CLASP1: variants seen among roughly 807,000 people sequenced by gnomAD.
The protein encoded by CLASP1 is CLIP-associating protein 1.
In CLASP1, 38 loss-of-function variants were observed where a neutral mutation model predicts 192.3. The ratio of observed to expected loss-of-function variants is 0.20; its 90% CI spans 0.15 to 0.26. The LOEUF (loss-of-function observed/expected upper bound fraction) is 0.26, where lower values mean the gene tolerates loss of function less well. Ranked by LOEUF, CLASP1 falls within the 10% of genes least tolerant of loss-of-function variation. The pLI is 1.00. For synonymous variants in CLASP1, 691 were observed against 712.8 expected (o/e 0.97, Z 0.49); for missense variants, 1,433 against 1,932.5 (o/e 0.74, Z 4.85).
chr2:121,426,318 G>A (rs916879030), intron 21 of CLASP1, among the ~76,000 whole-genome samples: 1 of 152,100 alleles, frequency 6.6e-6, no homozygotes, highest in African/African-American at 2.4e-5. Context: ...AAGAATAATT[G>A]TCCATGAAGA....
intron 8 of CLASP1, among the ~76,000 whole-genome samples, chr2:121,475,173 A>G (rs2091448648): frequency 1.3e-5 from 2 of 152,222 alleles, no homozygotes; most frequent in African/African-American, 4.8e-5. Context: ...TTGGAAATTC[A>G]GGAAAACAAA....
intron 31 of CLASP1, 49 bp downstream of exon 32, chr2:121,387,714 C>T: frequency 6.3e-7 from 1 of 1,595,144 alleles, no homozygotes; most frequent in South Asian, 1.1e-5. Flanking sequence ...AAGGGCTACG[C>T]AGAGGTCATG....
At chr2:121,636,843 A>G (rs2070974604) in intron 1 of CLASP1, among the ~76,000 whole-genome samples, 1 of 152,180 alleles carries the variant, frequency 6.6e-6, no homozygotes, top group African/African-American at 2.4e-5. Flanking sequence ...TGGTAAAATG[A>G]CTTAAAAGGA....
rs187679214 is a variant in CLASP1, at chr2:121,375,423, G to T, written c.3642+2076C>A. 1.0e-4 allele frequency among the ~76,000 whole-genome samples: 15 copies of T among 149,172 alleles called. 1 individual carries two copies. The East Asian group carries it at 3.0e-3, about 29-fold the overall frequency. Reference sequence around the variant, plus strand: ...TCTGTCACCAGGCTGGAATGCAGTGGCACGATCTCGGCTCACTGCAACTTC... The same window carrying T: ...TCTGTCACCAGGCTGGAATGCAGTGTCACGATCTCGGCTCACTGCAACTTC... On this transcript the variant is annotated intron_variant, in intron 34 of 39. Coordinates refer to ENST00000263710, the Ensembl canonical transcript of CLASP1.
intron 34 of CLASP1, among the ~76,000 whole-genome samples, chr2:121,372,877 T>C (rs180954337): frequency 1.2e-4 from 19 of 152,244 alleles, no homozygotes; most frequent in Middle Eastern, 3.4e-3. Context: ...TGCCCACTCT[T>C]CTCCACTTCA....
At chr2:121,587,722 T>A (rs2061885402) in intron 2 of CLASP1, among the ~76,000 whole-genome samples, 1 of 151,280 alleles carries the variant, frequency 6.6e-6, no homozygotes, top group South Asian at 2.1e-4. Flanking sequence ...TCCCAGCTAC[T>A]CAGGAGGCTG....
intron 2 of CLASP1, among the ~76,000 whole-genome samples, chr2:121,554,997 T>C (rs1046622727): frequency 3.9e-5 from 6 of 152,206 alleles, no homozygotes; most frequent in Admixed American, 1.3e-4. Flanking sequence ...GTATTTCTTA[T>C]ATCTCTATCC....
chr2:121,571,854 C>A (rs1358138575), intron 2 of CLASP1, among the ~76,000 whole-genome samples: 2 of 152,042 alleles, frequency 1.3e-5, no homozygotes, highest in Admixed American at 6.6e-5. Flanking sequence ...GAGTATCATG[C>A]TCAGGTGTTT....
At chr2:121,465,626 C>G (rs1380865586) in intron 9 of CLASP1, among the ~76,000 whole-genome samples, 1 of 151,592 alleles carries the variant, frequency 6.6e-6, no homozygotes, top group Non-Finnish European at 1.5e-5. Context: ...ATGCCATCCC[C>G]ATCAAGCTAC....
At chr2:121,457,490 G>C (rs1439532841) in intron 14 of CLASP1, among the ~76,000 whole-genome samples, 197 bp downstream of exon 14, 3 of 136,918 alleles carry the variant, frequency 2.2e-5, no homozygotes, top group Non-Finnish European at 4.6e-5. Flanking sequence ...CACACACACA[G>C]AAACATAATA....
At chr2:121,496,259 C>T (rs1229419440) in intron 8 of CLASP1, among the ~76,000 whole-genome samples, 1 of 152,176 alleles carries the variant, frequency 6.6e-6, no homozygotes, top group Non-Finnish European at 1.5e-5. Flanking sequence ...AGACACAGAT[C>T]ATTTAATAGA....
chr2:121,452,316 C>T (rs1334839592), intron 14 of CLASP1, among the ~76,000 whole-genome samples: 1 of 152,156 alleles, frequency 6.6e-6, no homozygotes, highest in African/African-American at 2.4e-5. Flanking sequence ...CATGCTAAGG[C>T]CCTAAATAGT....
chr2:121,494,593 G>A (rs2150175475), intron 8 of CLASP1, among the ~76,000 whole-genome samples: 1 of 152,318 alleles, frequency 6.6e-6, no homozygotes, highest in East Asian at 1.9e-4. Flanking sequence ...AACTGAAAGA[G>A]TATAACTGGA....
intron 24 of CLASP1, 111 bp from the exon 26 acceptor site, chr2:121,407,826 C>A: frequency 8.6e-7 from 1 of 1,156,916 alleles, no homozygotes; most frequent in Non-Finnish European, 1.3e-6. Context: ...TAAAAAGACA[C>A]ATGCACACAC....
chr2:121,611,890 G>C (rs1040284396), intron 1 of CLASP1, among the ~76,000 whole-genome samples: 4 of 148,766 alleles, frequency 2.7e-5, no homozygotes, highest in African/African-American at 1.0e-4. Context: ...GGAGGAGGAG[G>C]AGTCACAGAA....
At position 121,470,154 on chromosome 2, in the gene CLASP1, C is replaced by A; in HGVS notation, c.713-194G>T. The A allele has an allele frequency of 6.1e-6, 4 of 653,994 alleles. No homozygotes were observed. In the Admixed American group the frequency reaches 8.7e-5, roughly 14 times the overall value. The allele number at this position is 653,994 out of a possible 1,614,324, so 40.5% of individuals were successfully genotyped here. A position where few individuals can be genotyped will look rare whatever the true frequency, so the allele number is the denominator to read the frequency against. ...CCAGAATGAAGCTACAAAGATCATA[C>A]TTGCTTTCACATACCCAGAATACTT... On this transcript the variant is annotated intron_variant, in intron 8 of 39. Coordinates refer to ENST00000263710, the Ensembl canonical transcript of CLASP1.
intron 32 of CLASP1, among the ~76,000 whole-genome samples, chr2:121,382,630 G>A (rs1193737115): frequency 6.6e-6 from 1 of 152,206 alleles, no homozygotes; most frequent in African/African-American, 2.4e-5. Flanking sequence ...GTCAGTATGA[G>A]GGGCTGTGTG....
rs370015317 is a variant in CLASP1, at chr2:121,531,091, G to A, written c.196-766C>T. The A allele has an allele frequency of 3.3e-4, 215 of 658,698 alleles. 1 individual carries two copies. The highest frequency in any genetic ancestry group is 1.2e-3 in the South Asian group (76 of 64,172). 40.8% of individuals were successfully genotyped at this position (658,698 alleles called of 1,614,324 possible). ...AGTACTTTGTGGTTAAACCAGTAGA[G>A]GGTGCACAAGACGCGTGGTTTTAGT... On this transcript the variant is annotated intron_variant, in intron 2 of 39. Transcript: ENST00000263710.
At chr2:121,434,588 C>T (rs1338224110) in intron 19 of CLASP1, among the ~76,000 whole-genome samples, 17 of 152,152 alleles carry the variant, frequency 1.1e-4, no homozygotes, top group Non-Finnish European at 2.4e-4. Flanking sequence ...TAAAACTCTA[C>T]TGATCCACAT....
Sources: allele counts gnomAD v4.1 joint callset (sites outside exome capture counted in the v4.1 genomes callset), GRCh38; gene constraint gnomAD v4.1.1; transcripts MANE v1.5; gene names NCBI Gene and HGNC (gene_info 2026-07-23, HGNC 2026-07-21).